Variants in FAM124B observed in about 807,000 individuals in gnomAD.
FAM124B encodes protein FAM124B.
A neutral mutation model predicts 19.7 loss-of-function variants in FAM124B; 18 were observed. The ratio of observed to expected loss-of-function variants is 0.92; its 90% CI spans 0.63 to 1.36. The LOEUF is 1.36. Among genes scored for constraint, FAM124B ranks in the 40% most tolerant of loss-of-function variants. FAM124B has a pLI of 0.00. For synonymous variants in FAM124B, 223 were observed against 225.2 expected (o/e 0.99, Z 0.09); for missense variants, 540 against 553.3 (o/e 0.98, Z 0.24).
At chr2:224,388,628 G>A (rs1031626299) in intron 1 of FAM124B, among the ~76,000 whole-genome samples, 1 of 152,180 alleles carries the variant, frequency 6.6e-6, no homozygotes, top group South Asian at 2.1e-4. Context: ...AGAAAGTTCT[G>A]GAAATGTATA....
intron 1 of FAM124B, 36 bp downstream of exon 1, chr2:224,401,001 T>G: frequency 6.4e-7 from 1 of 1,551,090 alleles, no homozygotes; most frequent in Non-Finnish European, 8.7e-7. Context: ...CACAGCTCCA[T>G]GAGCCTCTAC....
intron 1 of FAM124B, among the ~76,000 whole-genome samples, chr2:224,389,621 T>G (rs1041968711): frequency 2.0e-5 from 3 of 151,914 alleles, no homozygotes; most frequent in African/African-American, 7.3e-5. Context: ...GCTGGAGAAG[T>G]CGGGGGCGGG....
In FAM124B at chr2:224,401,451, C is replaced by T; in HGVS notation, c.318G>A (p.Leu106=). ...CCTGATTGGCAAAAAAGTAGGGACA[C>T]AGCCTTCCCCGAGTGTCCTGGGTGG... ...CYPTQDTRGR[L]CPYFFANQEF... is the part of the protein sequence containing the mutation. The change falls in exon 1 of 2, where the codon CTG becomes CTA. Residue 106 remains leucine, a synonymous_variant. Transcript: ENST00000409685. 1.2e-6 allele frequency: 2 copies of T among 1,614,100 alleles called. No individual in the cohort carries two copies. The highest frequency in any genetic ancestry group is 8.5e-7 in the Non-Finnish European group (1 of 1,180,002).
At chr2:224,383,002 C>A (rs745993079) in intron 1 of FAM124B, among the ~76,000 whole-genome samples, 18 of 152,168 alleles carry the variant, frequency 1.2e-4, no homozygotes, top group Admixed American at 4.6e-4. Flanking sequence ...AGAGCTTCCA[C>A]CAGCATCAGA....
intron 1 of FAM124B, among the ~76,000 whole-genome samples, chr2:224,398,536 T>C (rs6729290): frequency 0.17 from 25,592 of 152,156 alleles, 2,381 homozygotes; most frequent in African/African-American, 0.2. Context: ...GAAGCAGAAT[T>C]TTCCAGAAGG....
intron 1 of FAM124B, 35 bp downstream of exon 1, chr2:224,401,002 G>A: frequency 6.4e-7 from 1 of 1,551,528 alleles, no homozygotes; most frequent in Non-Finnish European, 8.7e-7. Flanking sequence ...ACAGCTCCAT[G>A]AGCCTCTACA....
At chr2:224,393,739 C>A (rs966080917) in intron 1 of FAM124B, among the ~76,000 whole-genome samples, 7 of 152,180 alleles carry the variant, frequency 4.6e-5, no homozygotes, top group Admixed American at 1.3e-4. Context: ...CTGAGAATAG[C>A]GACATCTAGA....
intron 1 of FAM124B, among the ~76,000 whole-genome samples, chr2:224,393,665 G>C (rs1689923800): frequency 6.6e-6 from 1 of 152,136 alleles, no homozygotes; most frequent in Admixed American, 6.5e-5. Flanking sequence ...TCCAGGAGAA[G>C]TGGGTAAAGA....
Position 224,379,908 on chromosome 2 carries a change from T to C in FAM124B, c.1033A>G (p.Met345Val). 1 of 1,551,908 alleles carries C rather than the reference T, an allele frequency of 6.4e-7. No homozygotes were observed. The highest frequency in any genetic ancestry group is 8.7e-7 in the Non-Finnish European group (1 of 1,147,024). Reference protein sequence around the residue: ...SSHHLESGARMKVLNRENSFQ... With the variant: ...SSHHLESGARVKVLNRENSFQ... The stretch of plus-strand genomic sequence containing the variant: ...CTGTTTTCCCGGTTGAGGACCTTCA[T>C]TCTGGCCCCGGATTCAAGGTGATGA... The change falls in exon 2 of 2, where the codon ATG (methionine) becomes GTG (valine). Residue 345 changes from methionine (M) to valine (V), a missense_variant. Physicochemically the swap from Met to Val is conservative, Grantham distance 21. Transcript: ENST00000409685.
At chr2:224,389,142 G>T (rs940778438) in intron 1 of FAM124B, among the ~76,000 whole-genome samples, 4 of 152,098 alleles carry the variant, frequency 2.6e-5, no homozygotes, top group Non-Finnish European at 1.5e-5. Flanking sequence ...ATGTTGGCCA[G>T]GCTGGTCTCA....
At chr2:224,400,687 T>C (rs1690053281) in intron 1 of FAM124B, among the ~76,000 whole-genome samples, 1 of 152,174 alleles carries the variant, frequency 6.6e-6, no homozygotes, top group Admixed American at 6.5e-5. Context: ...GATTCTTTAA[T>C]AGGATTCTGA....
At chr2:224,398,752 G>A (rs1690015291) in intron 1 of FAM124B, among the ~76,000 whole-genome samples, 1 of 152,138 alleles carries the variant, frequency 6.6e-6, no homozygotes, top group African/African-American at 2.4e-5. Flanking sequence ...TGAGGCAGGT[G>A]GTCACTTGAG....
intron 1 of FAM124B, among the ~76,000 whole-genome samples, chr2:224,384,744 TCTCA>T (rs1467356853): frequency 5.9e-5 from 9 of 152,102 alleles, no homozygotes; most frequent in African/African-American, 2.2e-4. Context: ...TTAGCAACAC[TCTCA>T]CTGCTACCGC....
At chr2:224,400,602 C>T in intron 1 of FAM124B, 1 of 622,402 alleles carries the variant, frequency 1.6e-6, no homozygotes, top group Non-Finnish European at 2.9e-6. Context: ...TGTGACATTC[C>T]TGAGCCCAAA....
At chr2:224,383,082 C>T (rs760872427) in intron 1 of FAM124B, among the ~76,000 whole-genome samples, 2 of 152,138 alleles carry the variant, frequency 1.3e-5, no homozygotes, top group African/African-American at 2.4e-5. Flanking sequence ...TATGCAAACC[C>T]ATAGGAGAAA....
chr2:224,401,501 GGA>G lies in FAM124B; in HGVS notation c.266_267del (p.Leu89ProfsTer58), dbSNP rs1491451411. On this transcript the variant is annotated frameshift_variant, in exon 1 of 2. Transcript: ENST00000409685. LOFTEE classifies it high-confidence loss of function. ...GGGTAGCACTGCCATGGCGAATGCT[GGA>G]GAGAGTCCAGGACGCGAAATAGCCT... ...EDRLFRVLDS[L>X]QHSPWQCYPT... 1.2e-5 allele frequency: 20 copies of G among 1,614,124 alleles called. No individual in the cohort carries two copies. The highest frequency in any genetic ancestry group is 2.2e-5 in the East Asian group (1 of 44,876).
At chr2:224,390,920 G>A (rs939806791) in intron 1 of FAM124B, among the ~76,000 whole-genome samples, 4 of 151,192 alleles carry the variant, frequency 2.6e-5, no homozygotes, top group Non-Finnish European at 4.4e-5. Context: ...AGCCAGGATG[G>A]TCGCGATCTC....
intron 1 of FAM124B, among the ~76,000 whole-genome samples, chr2:224,393,516 C>A (rs966566145): frequency 6.6e-6 from 1 of 152,070 alleles, no homozygotes; most frequent in South Asian, 2.1e-4. Context: ...TGGTGGGAGG[C>A]GAGGTGTGTG....
chr2:224,379,396 C>A lies in FAM124B; in HGVS notation c.*177G>T. The A allele has an allele frequency of 3.3e-6, 3 of 916,912 alleles. No individual in the cohort carries two copies. The highest frequency in any genetic ancestry group is 3.1e-6 in the Non-Finnish European group (2 of 645,132). 56.8% of individuals were successfully genotyped at this position (916,912 alleles called of 1,614,324 possible). A position where few individuals can be genotyped will look rare whatever the true frequency, so the allele number is the denominator to read the frequency against. On this transcript the variant is annotated 3_prime_UTR_variant, in exon 2 of 2. Coordinates refer to ENST00000409685, the MANE Select transcript of FAM124B (RefSeq NM_001122779.2). ...TCTTATGACTGTGACGGCAAATAAA[C>A]AATCATTCCCAGCACCTTTAGACTT...
Sources: allele counts gnomAD v4.1 joint callset (sites outside exome capture counted in the v4.1 genomes callset), GRCh38; gene constraint gnomAD v4.1.1; transcripts MANE v1.5; gene names NCBI Gene and HGNC (gene_info 2026-07-23, HGNC 2026-07-21).